The following RHCE variants were observed in gnomAD, a reference collection of about 807,000 sequenced individuals.
RHCE encodes blood group Rh(CE) polypeptide.
RHCE carries 22 observed loss-of-function variants against 43.8 expected under a neutral mutation model. That is an observed-to-expected ratio of 0.50 (90% CI 0.36 to 0.72). RHCE has a LOEUF of 0.72. RHCE is among the 30% of genes least tolerant of loss of function. The pLI is 0.00. For synonymous variants in RHCE, 156 were observed against 210.7 expected (o/e 0.74, Z 2.25); for missense variants, 385 against 525.4 (o/e 0.73, Z 2.61).
intron 1 of RHCE, chr1:25,419,610 C>G (rs2042710717): frequency 6.6e-6 from 1 of 152,028 alleles, no homozygotes; most frequent in Non-Finnish European, 1.5e-5. Flanking sequence ...CACTGAGATG[C>G]CTGAAACTCA....
At position 25,386,842 on chromosome 1, in the gene RHCE, A is replaced by AAAACAC. The variant is rs1557613133; in HGVS notation, c.940-999_940-998insGTGTTT. On this transcript the variant is annotated intron_variant, in intron 6 of 9. Transcript: ENST00000294413. The stretch of plus-strand genomic sequence containing the variant: ...GTCTCAACAACAACAACAACAACAA[A>AAAACAC]ACACACACACACACACACACACACA... Among the ~76,000 whole-genome samples the AAAACAC allele has an allele frequency of 6.7e-3, 930 of 138,838 alleles. 14 individuals carry two copies. The highest frequency in any genetic ancestry group is 0.024 in the African/African-American group (882 of 36,320). The allele number at this position is 138,838 out of a possible 152,430, so 91.1% of individuals were successfully genotyped here. A position where few individuals can be genotyped will look rare whatever the true frequency, so the allele number is the denominator to read the frequency against.
chr1:25,427,345 T>A (rs1277697719), intron 2 of RHCE, among the ~76,000 whole-genome samples: 1 of 152,250 alleles, frequency 6.6e-6, no homozygotes, highest in African/African-American at 2.4e-5. Flanking sequence ...TAAATTCCTC[T>A]GTAGGCCTTG....
chr1:25,362,611 T>G (rs945863301), intron 9 of RHCE, 58 bp from the exon 10 acceptor site: 5 of 1,217,712 alleles, frequency 4.1e-6, no homozygotes, highest in Non-Finnish European at 5.9e-6. Flanking sequence ...GATTTTGGCT[T>G]GATCTCTTGA....
intron 7 of RHCE, among the ~76,000 whole-genome samples, chr1:25,379,495 ATTTTTTTTTTTTTTTT>A (rs770791604): frequency 7.8e-4 from 21 of 27,072 alleles, no homozygotes; most frequent in African/African-American, 3.4e-3. Flanking sequence ...ATATATATAT[ATTTTTTTTTTTTTTTT>A]TTTTTTTTTT....
intron 6 of RHCE, among the ~76,000 whole-genome samples, chr1:25,387,320 C>T (rs1156467448): frequency 2.6e-5 from 4 of 152,210 alleles, no homozygotes; most frequent in South Asian, 4.1e-4. Context: ...GAAGCATTTC[C>T]GGACCCATCC....
intron 1 of RHCE, among the ~76,000 whole-genome samples, chr1:25,418,217 G>A (rs2124542163): frequency 6.6e-6 from 1 of 152,296 alleles, no homozygotes; most frequent in Non-Finnish European, 1.5e-5. Context: ...AGTAGAGACA[G>A]GGTTTCACCA....
intron 5 of RHCE, among the ~76,000 whole-genome samples, chr1:25,389,594 T>C (rs956932717): frequency 2.6e-5 from 4 of 152,174 alleles, no homozygotes; most frequent in African/African-American, 7.2e-5. Context: ...GGGTTTTGGA[T>C]GTACCTTCTT....
At chr1:25,412,600 T>C (rs564784492) in intron 1 of RHCE, among the ~76,000 whole-genome samples, 2 of 151,582 alleles carry the variant, frequency 1.3e-5, no homozygotes, top group African/African-American at 4.8e-5. Flanking sequence ...TAGTCCCAGC[T>C]ACTCAGGAGG....
chr1:25,421,344 C>T (rs1400533070), upstream of RHCE, among the ~76,000 whole-genome samples: 4 of 152,338 alleles, frequency 2.6e-5, no homozygotes, highest in East Asian at 3.9e-4. Flanking sequence ...GTAGAATTGA[C>T]TCCTCATAGT....
In RHCE at chr1:25,408,801, T is replaced by C; in HGVS notation, c.217A>G (p.Ser73Gly). ...AGGTTGAAGGCCACACTGCTCCAGC[T>C]GTGTCTCCGGAAATTTGAGGTGAGG... is the stretch of plus-strand genomic sequence containing the variant. The part of the protein sequence containing the change: ...GFLTSNFRRH[S>G]WSSVAFNLFM... Residue 73 changes from serine (S) to glycine (G), a missense_variant, in exon 2 of 10, where the codon AGC (serine) becomes GGC (glycine). Coordinates refer to ENST00000294413, the MANE Select transcript of RHCE (RefSeq NM_020485.8). 2 of 1,282,444 alleles carry C rather than the reference T, an allele frequency of 1.6e-6. No individual in the cohort carries two copies. The highest frequency in any genetic ancestry group is 2.8e-5 in the African/African-American group (2 of 72,576). The allele number at this position is 1,282,444 out of a possible 1,614,324, so 79.4% of individuals were successfully genotyped here.
intron 8 of RHCE, among the ~76,000 whole-genome samples, chr1:25,373,395 C>T (rs1227895171): frequency 2.6e-5 from 4 of 151,790 alleles, no homozygotes; most frequent in East Asian, 1.9e-4. Flanking sequence ...TTGCTAAATC[C>T]GGCAGCCTTT....
chr1:25,395,348 G>A (rs1336177820), intron 3 of RHCE, among the ~76,000 whole-genome samples: 1 of 151,506 alleles, frequency 6.6e-6, no homozygotes, highest in Non-Finnish European at 1.5e-5. Context: ...GGTGGGTGGA[G>A]GGGACACGTT....
At chr1:25,409,557 C>A (rs1157352265) in intron 1 of RHCE, among the ~76,000 whole-genome samples, 4 of 124,236 alleles carry the variant, frequency 3.2e-5, no homozygotes, top group African/African-American at 1.0e-4. Context: ...AGGGGCCCAG[C>A]AAAGCGGAGG....
At position 25,390,795 on chromosome 1, in the gene RHCE, G is replaced by A; in HGVS notation, c.755C>T (p.Ala252Val). 2 of 1,614,238 alleles carry A rather than the reference G, an allele frequency of 1.2e-6. No individual in the cohort carries two copies. The highest frequency in any genetic ancestry group is 1.7e-6 in the Non-Finnish European group (2 of 1,180,050). Residue 252 changes from alanine to valine, a missense_variant, in exon 5 of 10, where the codon GCC becomes GTC. Ala to Val is a moderately conservative substitution (Grantham distance 64). Transcript: ENST00000294413. ...GTGAGCCAAGGATGACCCTGAGATG[G>A]CTGTCACCACACTGACTGCTAGAGC... ...YYALAVSVVT[A>V]ISGSSLAHPQ...
intron 9 of RHCE, among the ~76,000 whole-genome samples, chr1:25,370,012 T>C (rs3094232): frequency 1.6e-4 from 25 of 151,708 alleles, no homozygotes; most frequent in Non-Finnish European, 2.2e-4. Context: ...GTGCTGGGAT[T>C]ACAGGCGTCA....
chr1:25,402,407 T>C (rs1646782107), intron 3 of RHCE, among the ~76,000 whole-genome samples, 189 bp downstream of exon 3: 2 of 151,956 alleles, frequency 1.3e-5, no homozygotes, highest in African/African-American at 4.8e-5. Flanking sequence ...AATTACTTTT[T>C]AGAGATGAGG....
intron 2 of RHCE, among the ~76,000 whole-genome samples, chr1:25,405,517 G>C (rs573235652): frequency 6.6e-6 from 1 of 152,026 alleles, no homozygotes; most frequent in East Asian, 1.9e-4. Context: ...GCCGGGCATG[G>C]TAGCAGGCGT....
intron 1 of RHCE, among the ~76,000 whole-genome samples, chr1:25,416,530 TG>T (rs1362935132): frequency 6.6e-6 from 1 of 152,232 alleles, no homozygotes; most frequent in Non-Finnish European, 1.5e-5. Context: ...CCCAAAGTGC[TG>T]GGATTACAGG....
rs1430574096 is a variant in RHCE at position 25,406,218 on chromosome 1, AGT to A, written c.335+2463_335+2464del. Among the ~76,000 whole-genome samples, 9 of 104,470 alleles carry A rather than the reference AGT, an allele frequency of 8.6e-5. 2 individuals are homozygous for A. In the South Asian group the frequency reaches 2.9e-3, roughly 34 times the overall value. 68.5% of individuals were successfully genotyped at this position (104,470 alleles called of 152,430 possible). On this transcript the variant is annotated intron_variant, in intron 2 of 9. Transcript: ENST00000294413. ...CCTTTGTCACTTTCCAGGTGGATGC[AGT>A]GTGTGTATGCGGGCGTGCGTGCGTG...
Sources: allele counts gnomAD v4.1 joint callset (sites outside exome capture counted in the v4.1 genomes callset), GRCh38; gene constraint gnomAD v4.1.1; transcripts MANE v1.5; gene names NCBI Gene and HGNC (gene_info 2026-07-23, HGNC 2026-07-21).